PRKG2: variants seen among roughly 807,000 people sequenced by gnomAD.
PRKG2 encodes the protein protein kinase cGMP-dependent 2.
Under a neutral mutation model 97.2 loss-of-function variants are expected in PRKG2, and 33 were observed. The observed-to-expected ratio is 0.34, with a 90% CI of 0.26 to 0.45. The LOEUF (loss-of-function observed/expected upper bound fraction) is 0.45, where lower values mean the gene tolerates loss of function less well. Among genes scored for constraint, PRKG2 ranks in the 20% least tolerant of loss-of-function variants. The probability of loss-of-function intolerance (pLI) is 1.00; values close to 1 mark genes in which losing one functional copy is unlikely to be tolerated. For synonymous variants in PRKG2, 330 were observed against 321.8 expected (o/e 1.03, Z -0.27); for missense variants, 638 against 900.0 (o/e 0.71, Z 3.73).
At chr4:81,181,265 G>A (rs1304045616) in intron 2 of PRKG2, among the ~76,000 whole-genome samples, 1 of 151,880 alleles carries the variant, frequency 6.6e-6, no homozygotes, top group Non-Finnish European at 1.5e-5. Context: ...AAATGTTTGA[G>A]AATTGAACAA....
chr4:81,199,254 G>A (rs1383075003), intron 2 of PRKG2, among the ~76,000 whole-genome samples: 3 of 152,146 alleles, frequency 2.0e-5, no homozygotes, highest in Non-Finnish European at 4.4e-5. Context: ...CCTGCAAACT[G>A]CTAATAGAGT....
intron 17 of PRKG2, among the ~76,000 whole-genome samples, chr4:81,098,315 C>T (rs1238995047): frequency 1.8e-5 from 2 of 109,722 alleles, no homozygotes; most frequent in Admixed American, 1.6e-4. Context: ...ACCTTGTGAT[C>T]GTGTGAGTTA....
chr4:81,121,839 A>G (rs1745100794), intron 14 of PRKG2, among the ~76,000 whole-genome samples: 1 of 152,148 alleles, frequency 6.6e-6, no homozygotes, highest in African/African-American at 2.4e-5. Flanking sequence ...GTTCAACAGT[A>G]AACACCCTAG....
chr4:81,205,096 GT>G, intron 1 of PRKG2, 36 bp from the exon 2 acceptor site: 1 of 1,356,812 alleles, frequency 7.4e-7, no homozygotes, highest in Non-Finnish European at 1.0e-6. Context: ...ATCAAGTGGA[GT>G]TTCACTTCCC....
At chr4:81,168,403 A>G (rs1285209937) in intron 5 of PRKG2, among the ~76,000 whole-genome samples, 1 of 152,140 alleles carries the variant, frequency 6.6e-6, no homozygotes, top group African/African-American at 2.4e-5. Context: ...ATGAATATTC[A>G]CTAGTAGATT....
intron 14 of PRKG2, among the ~76,000 whole-genome samples, chr4:81,115,800 A>G (rs1039942053): frequency 9.2e-5 from 14 of 152,178 alleles, no homozygotes; most frequent in South Asian, 4.1e-4. Flanking sequence ...AAAAAGCCAT[A>G]TTACCTATTA....
chr4:81,129,679 T>A (rs561835642), intron 14 of PRKG2, among the ~76,000 whole-genome samples: 1 of 152,164 alleles, frequency 6.6e-6, no homozygotes, highest in Non-Finnish European at 1.5e-5. Flanking sequence ...TGCTTTCCAT[T>A]TGCTTGGTAA....
chr4:81,095,769 G>GAA (rs1380387274), intron 17 of PRKG2, among the ~76,000 whole-genome samples: 1 of 152,182 alleles, frequency 6.6e-6, no homozygotes, highest in African/African-American at 2.4e-5. Context: ...ATTCTTGAAA[G>GAA]TAATTTCAAA....
intron 14 of PRKG2, among the ~76,000 whole-genome samples, chr4:81,116,102 G>A (rs934194512): frequency 1.2e-4 from 19 of 152,196 alleles, no homozygotes; most frequent in African/African-American, 4.1e-4. Flanking sequence ...GTGAGTCACA[G>A]GGGTTTGGTG....
At chr4:81,114,869 T>C (rs1181683056) in intron 14 of PRKG2, among the ~76,000 whole-genome samples, 2 of 152,170 alleles carry the variant, frequency 1.3e-5, no homozygotes, top group Admixed American at 6.5e-5. Flanking sequence ...AAATACTTTA[T>C]AGTTTTTTTA....
intron 2 of PRKG2, among the ~76,000 whole-genome samples, chr4:81,195,669 G>T (rs1401541381): frequency 2.0e-5 from 3 of 152,182 alleles, no homozygotes; most frequent in Non-Finnish European, 4.4e-5. Context: ...GCTAATGTCT[G>T]CAAGCTTCAT....
intron 1 of PRKG2, among the ~76,000 whole-genome samples, chr4:81,208,068 G>C (rs554752858): frequency 2.6e-5 from 4 of 152,300 alleles, no homozygotes; most frequent in African/African-American, 9.6e-5. Context: ...AATGAGTCTG[G>C]AGATAAAGAT....
At chr4:81,147,974 A>G (rs1436072736) in intron 9 of PRKG2, among the ~76,000 whole-genome samples, 2 of 152,036 alleles carry the variant, frequency 1.3e-5, no homozygotes, top group East Asian at 1.9e-4. Flanking sequence ...TAAATTGATC[A>G]TTGTTTAACT....
chr4:81,199,619 C>G (rs915776644), intron 2 of PRKG2, among the ~76,000 whole-genome samples: 1 of 152,042 alleles, frequency 6.6e-6, no homozygotes, highest in African/African-American at 2.4e-5. Flanking sequence ...TTAAATGATT[C>G]AGTATTTGCG....
intron 1 of PRKG2, among the ~76,000 whole-genome samples, chr4:81,210,306 G>A (rs1753903205): frequency 6.6e-6 from 1 of 151,784 alleles, no homozygotes; most frequent in Admixed American, 6.6e-5. Context: ...GCCATAGACT[G>A]AGAGAACGTA....
intron 6 of PRKG2, among the ~76,000 whole-genome samples, chr4:81,157,377 C>T (rs900022067): frequency 6.6e-6 from 1 of 152,058 alleles, no homozygotes; most frequent in Non-Finnish European, 1.5e-5. Flanking sequence ...AAGACTAAAC[C>T]AGGAAGAAGT....
chr4:81,089,612 G>C lies in PRKG2; in HGVS notation c.*96C>G, dbSNP rs985903285. On this transcript the variant is annotated 3_prime_UTR_variant, in exon 19 of 19. Transcript: ENST00000264399. Reference sequence around the variant, plus strand: ...TTCTTTTCCCTAATGGTCTTCCAAAGATATTATAATACTCTGAAAAGAAAA... The same window carrying C: ...TTCTTTTCCCTAATGGTCTTCCAAACATATTATAATACTCTGAAAAGAAAA... The C allele has an allele frequency of 2.2e-6, 2 of 917,556 alleles. No homozygotes were observed. The highest frequency in any genetic ancestry group is 3.3e-6 in the Non-Finnish European group (2 of 604,892). 56.8% of individuals were successfully genotyped at this position (917,556 alleles called of 1,614,324 possible).
chr4:81,217,188 T>A (rs1056293851), upstream of PRKG2, among the ~76,000 whole-genome samples: 1 of 151,878 alleles, frequency 6.6e-6, no homozygotes, highest in Non-Finnish European at 1.5e-5. Context: ...TGGGCTTTTT[T>A]AAACAATGGG....
chr4:81,126,244 A>G (rs1745540181), intron 14 of PRKG2, among the ~76,000 whole-genome samples: 1 of 152,182 alleles, frequency 6.6e-6, no homozygotes, highest in Non-Finnish European at 1.5e-5. Context: ...TCCATGGTGT[A>G]TATGTGCCAC....
Sources: gnomAD v4.1 joint callset for allele counts (sites outside exome capture counted in the v4.1 genomes callset) on GRCh38, gnomAD v4.1.1 for gene constraint, MANE v1.5 for transcripts, NCBI Gene and HGNC (gene_info 2026-07-23, HGNC 2026-07-21) for gene names.